PTCRA: variants seen among roughly 807,000 people sequenced by gnomAD.
PTCRA encodes the protein pre T-cell antigen receptor alpha.
In PTCRA, 9 loss-of-function variants were observed where a neutral mutation model predicts 13.4. The ratio of observed to expected loss-of-function variants is 0.67; its 90% CI spans 0.41 to 1.18. The LOEUF (loss-of-function observed/expected upper bound fraction) is 1.18, where lower values mean the gene tolerates loss of function less well. Among genes scored for constraint, PTCRA ranks in the 50% most tolerant of loss-of-function variants. The pLI is 0.01. For synonymous variants in PTCRA, 153 were observed against 161.9 expected, an observed-to-expected ratio of 0.94 and a Z score of 0.42; for missense variants, 353 against 359.8, an observed-to-expected ratio of 0.98 and a Z score of 0.15.
chr6:42,922,188 T>C (rs1350654466), intron 1 of PTCRA: 1 of 694,924 alleles, frequency 1.4e-6, no homozygotes, highest in Non-Finnish European at 2.6e-6. Flanking sequence ...GTTACAGATA[T>C]ATTTGAAGCC....
Position 42,925,161 on chromosome 6 carries a change from G to A in PTCRA, c.425-100G>A. ...GACTTTCCCTGGAGGAGGGGGTGAAGGGGACGGGCAAGGGCAGAGGACAAG... is the reference window on the plus strand; with the variant it reads ...GACTTTCCCTGGAGGAGGGGGTGAAAGGGACGGGCAAGGGCAGAGGACAAG... On this transcript the variant is annotated intron_variant, in intron 3 of 3. Coordinates refer to ENST00000304672, the MANE Select transcript of PTCRA (RefSeq NM_138296.3). The surrounding 1 kb of genome is among the most constrained non-coding windows in gnomAD (Gnocchi z 4.4). The A allele has an allele frequency of 6.9e-7, 1 of 1,450,394 alleles. No homozygotes were observed. The highest frequency in any genetic ancestry group is 2.3e-5 in the Admixed American group (1 of 43,236). The allele number at this position is 1,450,394 out of a possible 1,614,324, so 89.8% of individuals were successfully genotyped here. A position where few individuals can be genotyped will look rare whatever the true frequency, so the allele number is the denominator to read the frequency against.
At position 42,925,684 on chromosome 6, in the gene PTCRA, G is replaced by T. The variant is rs368137542; in HGVS notation, c.*2G>T. 4.6e-5 allele frequency: 70 copies of T among 1,515,324 alleles called. No individual in the cohort carries two copies. Among genetic ancestry groups the T allele is most frequent in the Non-Finnish European group, 5.9e-5 (67 of 1,131,006 alleles). The allele number at this position is 1,515,324 out of a possible 1,614,324, so 93.9% of individuals were successfully genotyped here. A position where few individuals can be genotyped will look rare whatever the true frequency, so the allele number is the denominator to read the frequency against. On this transcript the variant is annotated 3_prime_UTR_variant, in exon 4 of 4. Transcript: ENST00000304672. This position sits in a 1 kb window ranked among gnomAD's most constrained non-coding sequence, Gnocchi z 4.4. ...CCTCTGCAGGCTGGAGCTGCCTGAG[G>T]GCAGGGCTCTACCTCCCCTGCGTCA...
intron 1 of PTCRA, among the ~76,000 whole-genome samples, chr6:42,917,261 C>T (rs925075520): frequency 6.8e-6 from 1 of 148,050 alleles, no homozygotes; most frequent in Non-Finnish European, 1.5e-5. Flanking sequence ...CTCGCACTGT[C>T]GCCCGGGCTG....
rs553406283 is a variant in PTCRA at position 42,916,230 on chromosome 6, G to A, written c.58+103G>A. ...GTACTGATGGGCTGCAGGGAGGCAG[G>A]ACAAGAGATATTTAGGGACCTCTGG... On this transcript the variant is annotated intron_variant, in intron 1 of 3. Coordinates refer to ENST00000304672, the MANE Select transcript of PTCRA (RefSeq NM_138296.3). 119 of 1,191,282 alleles carry A rather than the reference G, an allele frequency of 1.0e-4. 1 individual carries two copies. The East Asian group carries it at 2.9e-3, about 29-fold the overall frequency. 73.8% of individuals were successfully genotyped at this position (1,191,282 alleles called of 1,614,324 possible).
chr6:42,922,816 G>A (rs574647466), intron 1 of PTCRA, among the ~76,000 whole-genome samples: 1 of 152,188 alleles, frequency 6.6e-6, no homozygotes, highest in African/African-American at 2.4e-5. Context: ...ACAGGTGAGT[G>A]AATGAAAGGA....
chr6:42,916,401 G>C lies in PTCRA; in HGVS notation c.58+274G>C, dbSNP rs543347765. ...TGCCCTGGAGCCCACAGTGTTGATA[G>C]GGAGGCTGCCCCTCTTAGAGGTATA... On this transcript the variant is annotated intron_variant, in intron 1 of 3. Coordinates refer to ENST00000304672, the MANE Select transcript of PTCRA (RefSeq NM_138296.3). Among the ~76,000 whole-genome samples, 20 of 152,244 alleles carry C rather than the reference G, an allele frequency of 1.3e-4. No homozygotes were observed. The South Asian group carries it at 3.9e-3, about 30-fold the overall frequency.
At chr6:42,918,786 TA>T (rs1242359064) in intron 1 of PTCRA, among the ~76,000 whole-genome samples, 7 of 118,014 alleles carry the variant, frequency 5.9e-5, no homozygotes, top group African/African-American at 1.8e-4. Flanking sequence ...GTTAGTAGGA[TA>T]ATTTTTTTTT....
At chr6:42,917,348 A>G (rs9471961) in intron 1 of PTCRA, among the ~76,000 whole-genome samples, 60,812 of 147,422 alleles carry the variant, frequency 0.41, 15,025 homozygotes, top group African/African-American at 0.7. Context: ...TCAGCCTCCC[A>G]AGTAGCTGGG....
rs767990272 is a variant in PTCRA at position 42,925,257 on chromosome 6, G to A, written c.425-4G>A. The stretch of plus-strand genomic sequence containing the variant: ...GCGGGCTCCTGAGCGGTTCCTCCTC[G>A]CAGGGACACCGGGTGGGGCGCTGTG... On this transcript the variant is annotated splice_region_variant and splice_polypyrimidine_tract_variant and intron_variant, in intron 3 of 3. Coordinates refer to ENST00000304672, the MANE Select transcript of PTCRA (RefSeq NM_138296.3). The surrounding 1 kb of genome is among the most constrained non-coding windows in gnomAD (Gnocchi z 4.4). 21 of 1,585,424 alleles carry A rather than the reference G, an allele frequency of 1.3e-5. No individual in the cohort carries two copies. The East Asian group carries it at 2.5e-4, about 19-fold the overall frequency.
intron 1 of PTCRA, among the ~76,000 whole-genome samples, chr6:42,918,875 C>T (rs1358810747): frequency 4.2e-4 from 63 of 150,316 alleles, no homozygotes; most frequent in Non-Finnish European, 7.4e-4. Flanking sequence ...CTGTAAGCTC[C>T]GCCTCCCGGG....
At chr6:42,918,181 G>A (rs550391685) in intron 1 of PTCRA, among the ~76,000 whole-genome samples, 153 of 144,064 alleles carry the variant, frequency 1.1e-3, no homozygotes, top group Admixed American at 3.8e-3. Context: ...GCTTGAACCC[G>A]GGAGGAGGAG....
chr6:42,922,505 T>G (rs1475397779), intron 1 of PTCRA, among the ~76,000 whole-genome samples: 3 of 151,904 alleles, frequency 2.0e-5, no homozygotes, highest in African/African-American at 7.3e-5. Context: ...TCCCAGCACT[T>G]TGGGAGGACG....
At chr6:42,924,202 A>T (rs781407368) in intron 2 of PTCRA, 27 bp from the exon 3 acceptor site, 7 of 1,595,144 alleles carry the variant, frequency 4.4e-6, no homozygotes, top group African/African-American at 1.4e-5. Context: ...ATCCCCAAAG[A>T]CTCATTCGCT....
At position 42,925,581 on chromosome 6, in the gene PTCRA, C is replaced by A. The variant is rs371204759; in HGVS notation, c.745C>A (p.Gln249Lys). The A allele has an allele frequency of 5.5e-5, 88 of 1,602,666 alleles. No individual in the cohort carries two copies. Among genetic ancestry groups the A allele is most frequent in the Non-Finnish European group, 7.0e-5 (82 of 1,174,204 alleles). The stretch of plus-strand genomic sequence containing the variant: ...CAGCAGTTACCCCACTTGCCCAGCA[C>A]AGGCCTGGTGCTCAAGATCTGCCCT... ...YLSSYPTCPA[Q>K]AWCSRSALRA... Residue 249 changes from glutamine (Q) to lysine (K), a missense_variant, in exon 4 of 4, where the codon CAG (glutamine) becomes AAG (lysine). Physicochemically the swap from Gln to Lys is moderately conservative, Grantham distance 53. Transcript: ENST00000304672. The surrounding 1 kb of genome is among the most constrained non-coding windows in gnomAD (Gnocchi z 4.4).
chr6:42,924,768 C>T (rs555563186), intron 3 of PTCRA, among the ~76,000 whole-genome samples: 240 of 152,102 alleles, frequency 1.6e-3, no homozygotes, highest in South Asian at 4.4e-3. Context: ...GTCAGGAGTT[C>T]GAGACCAGCC....
Position 42,925,562 on chromosome 6 carries a change from T to C in PTCRA, c.726T>C (p.Ser242=), listed in dbSNP as rs1380132083. 2 of 1,598,932 alleles carry C rather than the reference T, an allele frequency of 1.3e-6. No homozygotes were observed. Among genetic ancestry groups the C allele is most frequent in the Admixed American group, 1.7e-5 (1 of 58,038 alleles). ...GGGGGGAAGGGTCTTACCTCAGCAG[T>C]TACCCCACTTGCCCAGCACAGGCCT... The part of the protein sequence containing the change: ...PVWGEGSYLS[S]YPTCPAQAWC... The change falls in exon 4 of 4, where the codon AGT becomes AGC. Residue 242 remains serine (S), a synonymous_variant. Transcript: ENST00000304672. The surrounding 1 kb of genome is among the most constrained non-coding windows in gnomAD (Gnocchi z 4.4).
In PTCRA at chr6:42,925,548, T is replaced by A; in HGVS notation, c.712T>A (p.Ser238Thr). ...KPGSPVWGEG[S>T]YLSSYPTCPA... is the part of the protein sequence containing the mutation. ...CGGGAGCCCAGTATGGGGGGAAGGG[T>A]CTTACCTCAGCAGTTACCCCACTTG... Residue 238 changes from serine (S) to threonine (T), a missense_variant, in exon 4 of 4, where the codon TCT becomes ACT. By Grantham distance (58) the Ser-to-Thr change is moderately conservative. Transcript: ENST00000304672. The surrounding 1 kb of genome is among the most constrained non-coding windows in gnomAD (Gnocchi z 4.4). 1.3e-6 allele frequency: 2 copies of A among 1,593,396 alleles called. No individual in the cohort carries two copies. The highest frequency in any genetic ancestry group is 1.7e-6 in the Non-Finnish European group (2 of 1,169,194).
At chr6:42,923,888 G>A (rs1767305362) in intron 2 of PTCRA, among the ~76,000 whole-genome samples, 1 of 152,164 alleles carries the variant, frequency 6.6e-6, no homozygotes, top group Non-Finnish European at 1.5e-5. Context: ...CCTCTCTAGG[G>A]ATTATCTCAA....
intron 1 of PTCRA, among the ~76,000 whole-genome samples, chr6:42,922,487 A>C (rs1427897891): frequency 6.6e-6 from 1 of 152,020 alleles, no homozygotes; most frequent in South Asian, 2.1e-4. Flanking sequence ...GGTGGCTCAC[A>C]CCTGTAATCC....
Sources: gnomAD v4.1 joint callset for allele counts (sites outside exome capture counted in the v4.1 genomes callset) on GRCh38, gnomAD v4.1.1 for gene constraint, Gnocchi (gnomAD v3.1) non-coding constraint, MANE v1.5 for transcripts, NCBI Gene and HGNC (gene_info 2026-07-23, HGNC 2026-07-21) for gene names.